The following DPP10 variants were observed in gnomAD, a reference collection of about 807,000 sequenced individuals.
DPP10 encodes the protein inactive dipeptidyl peptidase 10.
A neutral mutation model predicts 120.9 loss-of-function variants in DPP10; 33 were observed. That is an observed-to-expected ratio of 0.27 (90% CI 0.21 to 0.37). DPP10 has a LOEUF of 0.37. DPP10 is among the 10% of genes least tolerant of loss of function. The pLI, the probability that DPP10 is intolerant of heterozygous loss-of-function variation, is 1.00. For missense variants in DPP10, 816 were observed against 942.8 expected, an observed-to-expected ratio of 0.87 and a Z score of 1.76; for synonymous variants, 337 against 326.1, an observed-to-expected ratio of 1.03 and a Z score of -0.36.
chr2:115,672,718 TTC>T (rs1205430956), intron 5 of DPP10, among the ~76,000 whole-genome samples: 12 of 115,868 alleles, frequency 1.0e-4, no homozygotes, highest in African/African-American at 2.4e-4. Context: ...TTCTCTTTCT[TTC>T]TCTTTCTCTC....
At chr2:114,903,983 T>C (rs538179657) in intron 1 of DPP10, among the ~76,000 whole-genome samples, 93 of 152,344 alleles carry the variant, frequency 6.1e-4, no homozygotes, top group Non-Finnish European at 1.2e-3. Context: ...GTATATAATA[T>C]TTTGTTATCA....
chr2:114,788,576 C>T (rs185785319), intron 1 of DPP10, among the ~76,000 whole-genome samples: 371 of 152,070 alleles, frequency 2.4e-3, no homozygotes, highest in African/African-American at 7.8e-3. Flanking sequence ...CCACCACGCC[C>T]GGCTAATTTT....
intron 1 of DPP10, among the ~76,000 whole-genome samples, chr2:114,834,395 ATATATAAG>A (rs1687447255): frequency 6.6e-6 from 1 of 151,236 alleles, no homozygotes. Context: ...ACACCTATGT[ATATATAAG>A]CCATATCTAC....
chr2:114,985,808 T>C (rs1700358658), intron 1 of DPP10, among the ~76,000 whole-genome samples: 1 of 152,246 alleles, frequency 6.6e-6, no homozygotes, highest in African/African-American at 2.4e-5. Context: ...ACCTGTTGCG[T>C]GTGTGTAATG....
intron 1 of DPP10, among the ~76,000 whole-genome samples, chr2:114,510,179 T>A (rs1179696007): frequency 6.6e-6 from 1 of 152,194 alleles, no homozygotes; most frequent in Non-Finnish European, 1.5e-5. Context: ...GCAGCATAAG[T>A]TTTAGTCATG....
At chr2:115,104,613 A>G (rs2048858149) in intron 1 of DPP10, among the ~76,000 whole-genome samples, 1 of 152,108 alleles carries the variant, frequency 6.6e-6, no homozygotes, top group South Asian at 2.1e-4. Flanking sequence ...TCCTTTGCCA[A>G]TAACTCAGTG....
In DPP10 at chr2:114,669,278, C is replaced by T. The variant is rs138614856; in HGVS notation, c.60+226440C>T. ...AAAGGCTACCCTAATTTCAGCAATG[C>T]TTTTAATAAATGCATATGCAAAAAG... is the stretch of plus-strand genomic sequence containing the variant. On this transcript the variant is annotated intron_variant, in intron 1 of 25. Transcript: ENST00000410059. Among the ~76,000 whole-genome samples, 560 of 152,182 alleles carry T rather than the reference C, an allele frequency of 3.7e-3. 5 individuals are homozygous for T. The highest frequency in any genetic ancestry group is 4.5e-3 in the Non-Finnish European group (306 of 67,990).
At chr2:114,680,264 C>T (rs914652413) in intron 1 of DPP10, among the ~76,000 whole-genome samples, 36 of 151,924 alleles carry the variant, frequency 2.4e-4, no homozygotes, top group Admixed American at 1.8e-3. Context: ...ACTCATGCAA[C>T]GTTATTTCAT....
intron 17 of DPP10, among the ~76,000 whole-genome samples, chr2:115,784,138 C>G (rs551441317): frequency 6.6e-6 from 1 of 152,186 alleles, no homozygotes; most frequent in Non-Finnish European, 1.5e-5. Context: ...ATGTTTGTCT[C>G]AAGGTCAACA....
rs562967861 is a variant in DPP10 at position 114,834,443 on chromosome 2, A to G, written c.60+391605A>G. ...CTATGTATATATAAGCCATATCTAC[A>G]CACCTATGTACATATCAGCCATATC... is the stretch of plus-strand genomic sequence containing the variant. On this transcript the variant is annotated intron_variant, in intron 1 of 25. Transcript: ENST00000410059. Among the ~76,000 whole-genome samples the G allele has an allele frequency of 1.2e-4, 18 of 151,352 alleles. 1 individual carries two copies. Among genetic ancestry groups the G allele is most frequent in the South Asian group, 6.3e-4 (3 of 4,790 alleles).
In DPP10 at chr2:115,747,203, G is replaced by A. The variant is rs373341123; in HGVS notation, c.950+1020G>A. Among the ~76,000 whole-genome samples, 46 of 152,262 alleles carry A rather than the reference G, an allele frequency of 3.0e-4. 1 individual carries two copies. In the South Asian group the frequency reaches 5.8e-3, roughly 19 times the overall value. ...CAGTGAGAGTAAATGATTTAGATTA[G>A]GGGCTCAGGACTCATTGATAAGAAA... On this transcript the variant is annotated intron_variant, in intron 10 of 25. Coordinates refer to ENST00000410059, the MANE Select transcript of DPP10 (RefSeq NM_020868.6).
chr2:114,584,170 C>T, intron 1 of DPP10, among the ~76,000 whole-genome samples: 1 of 152,102 alleles, frequency 6.6e-6, no homozygotes, highest in Non-Finnish European at 1.5e-5. Flanking sequence ...TTGCGTGTTA[C>T]TTTAATTTTG....
chr2:115,820,098 T>G (rs1687656239), intron 21 of DPP10, among the ~76,000 whole-genome samples: 1 of 152,250 alleles, frequency 6.6e-6, no homozygotes. Flanking sequence ...TACCATATAG[T>G]GAAAATATCT....
At chr2:115,711,166 G>A (rs2092301670) in intron 7 of DPP10, among the ~76,000 whole-genome samples, 1 of 152,084 alleles carries the variant, frequency 6.6e-6, no homozygotes, top group South Asian at 2.1e-4. Context: ...GTGGGGTGAG[G>A]GGAGTGAATA....
chr2:115,414,588 C>T (rs1018363335), intron 3 of DPP10, among the ~76,000 whole-genome samples: 2 of 152,060 alleles, frequency 1.3e-5, no homozygotes, highest in Admixed American at 6.6e-5. Flanking sequence ...CTAATGTGCA[C>T]CATCAAATAG....
chr2:114,541,394 T>C (rs1177312178), intron 1 of DPP10, among the ~76,000 whole-genome samples: 1 of 152,142 alleles, frequency 6.6e-6, no homozygotes, highest in Non-Finnish European at 1.5e-5. Context: ...GCTTCCCCCT[T>C]AGGAAGACCC....
At chr2:114,740,768 G>C (rs1041449496) in intron 1 of DPP10, among the ~76,000 whole-genome samples, 3 of 152,198 alleles carry the variant, frequency 2.0e-5, no homozygotes, top group African/African-American at 7.2e-5. Flanking sequence ...GGCAGAAACA[G>C]ACTATGGACA....
chr2:115,499,384 T>A, intron 3 of DPP10, 126 bp from the exon 4 acceptor site: 1 of 672,376 alleles, frequency 1.5e-6, no homozygotes, highest in Non-Finnish European at 2.4e-6. Context: ...AGAAATCTGC[T>A]TGGGTTATTG....
intron 1 of DPP10, among the ~76,000 whole-genome samples, chr2:115,173,172 C>A (rs1433493590): frequency 6.6e-6 from 1 of 152,134 alleles, no homozygotes; most frequent in African/African-American, 2.4e-5. Flanking sequence ...CAGCTTCGTT[C>A]CTTCTCAGAG....
Sources: gnomAD v4.1 joint callset for allele counts (sites outside exome capture counted in the v4.1 genomes callset) on GRCh38, gnomAD v4.1.1 for gene constraint, MANE v1.5 for transcripts, NCBI Gene and HGNC (gene_info 2026-07-23, HGNC 2026-07-21) for gene names.